The following PPP1CB variants were observed in gnomAD, a reference collection of about 807,000 sequenced individuals.
PPP1CB encodes serine/threonine-protein phosphatase PP1-beta catalytic subunit.
Under a neutral mutation model 43.7 loss-of-function variants are expected in PPP1CB, and 2 were observed. The observed-to-expected ratio is 0.05, with a 90% CI of 0.02 to 0.14. The LOEUF is 0.14. Ranked by LOEUF, PPP1CB falls within the 10% of genes least tolerant of loss-of-function variation. PPP1CB has a pLI of 1.00. For missense variants in PPP1CB, 84 were observed against 398.0 expected (o/e 0.21, Z 6.71); for synonymous variants, 136 against 135.6 (o/e 1.00, Z -0.02).
intron 5 of PPP1CB, among the ~76,000 whole-genome samples, chr2:28,785,894 G>T (rs1434318868): frequency 6.6e-6 from 1 of 151,934 alleles, no homozygotes; most frequent in African/African-American, 2.4e-5. Context: ...TCTGTTTATA[G>T]TTCAGATGTA....
intron 3 of PPP1CB, among the ~76,000 whole-genome samples, chr2:28,780,159 G>C (rs1048484340): frequency 7.1e-6 from 1 of 140,930 alleles, no homozygotes; most frequent in African/African-American, 2.6e-5. Flanking sequence ...CACGATCTCA[G>C]CTCACTGCAA....
chr2:28,760,502 CTATACCA>C (rs1461564056), intron 1 of PPP1CB, among the ~76,000 whole-genome samples: 28 of 152,190 alleles, frequency 1.8e-4, no homozygotes, highest in Non-Finnish European at 4.0e-4. Context: ...GAGCAATAGA[CTATACCA>C]TCTAGGTTTG....
chr2:28,765,555 A>G (rs1666762048), intron 1 of PPP1CB, among the ~76,000 whole-genome samples: 1 of 152,216 alleles, frequency 6.6e-6, no homozygotes, highest in Non-Finnish European at 1.5e-5. Flanking sequence ...GAAAAAATGT[A>G]TCTGCTGCAA....
At chr2:28,782,928 T>C (rs1667185964) in intron 4 of PPP1CB, 1 of 152,238 alleles carries the variant, frequency 6.6e-6, no homozygotes, top group South Asian at 2.1e-4. Flanking sequence ...TGTTTTCCAG[T>C]AGACATTAAA....
intron 1 of PPP1CB, among the ~76,000 whole-genome samples, chr2:28,761,594 C>T (rs1666655610): frequency 6.6e-6 from 1 of 152,194 alleles, no homozygotes; most frequent in South Asian, 2.1e-4. Context: ...GGAACTTCCC[C>T]ATACTAATTT....
At chr2:28,791,850 T>C (rs1667393473) in intron 6 of PPP1CB, among the ~76,000 whole-genome samples, 1 of 152,224 alleles carries the variant, frequency 6.6e-6, no homozygotes, top group South Asian at 2.1e-4. Context: ...TCTTTTGTTT[T>C]CCAGAAACTG....
intron 3 of PPP1CB, among the ~76,000 whole-genome samples, chr2:28,779,730 G>C (rs1339207211): frequency 6.6e-6 from 1 of 152,032 alleles, no homozygotes; most frequent in African/African-American, 2.4e-5. Flanking sequence ...TTCCCTATTA[G>C]AATCTACTTT....
intron 1 of PPP1CB, among the ~76,000 whole-genome samples, chr2:28,756,963 A>G (rs1348334610): frequency 6.6e-6 from 1 of 152,210 alleles, no homozygotes; most frequent in Non-Finnish European, 1.5e-5. Context: ...AGAGTTGTGC[A>G]GCCATCACCA....
At chr2:28,780,219 G>T (rs1667130562) in intron 3 of PPP1CB, among the ~76,000 whole-genome samples, 1 of 151,206 alleles carries the variant, frequency 6.6e-6, no homozygotes, top group Non-Finnish European at 1.5e-5. Flanking sequence ...CTCCCGATTA[G>T]CTGGGATTAC....
intron 1 of PPP1CB, among the ~76,000 whole-genome samples, chr2:28,753,869 G>T (rs1666412406): frequency 6.6e-6 from 1 of 152,028 alleles, no homozygotes; most frequent in Admixed American, 6.5e-5. Flanking sequence ...GAGTAGCTGG[G>T]ATTACAGGCA....
chr2:28,752,777 C>T (rs1042711565), intron 1 of PPP1CB, among the ~76,000 whole-genome samples: 2 of 152,018 alleles, frequency 1.3e-5, no homozygotes, highest in African/African-American at 2.4e-5. Flanking sequence ...TGTTACTTGG[C>T]CTAAAAAAAT....
In PPP1CB at chr2:28,801,413, A is replaced by G. The variant is rs920168068; in HGVS notation, c.*2110A>G. On this transcript the variant is annotated 3_prime_UTR_variant, in exon 8 of 8. Coordinates refer to ENST00000395366, the MANE Select transcript of PPP1CB (RefSeq NM_002709.3). Reference sequence around the variant, plus strand: ...AAATTCATCCAGGTCAAGACTAAGTATGTTGGTTAATAGGAATCCTTTTTT... The same window carrying G: ...AAATTCATCCAGGTCAAGACTAAGTGTGTTGGTTAATAGGAATCCTTTTTT... The G allele has an allele frequency of 6.6e-6, 1 of 151,748 alleles. No homozygotes were observed. Among genetic ancestry groups the G allele is most frequent in the Non-Finnish European group, 1.5e-5 (1 of 67,908 alleles). The allele number at this position is 151,748 out of a possible 1,614,324, so 9.4% of individuals were successfully genotyped here. A position where few individuals can be genotyped will look rare whatever the true frequency, so the allele number is the denominator to read the frequency against.
rs112486818 is a variant in PPP1CB, at chr2:28,784,404, A to G, written c.592+426A>G. 5.7e-3 allele frequency among the ~76,000 whole-genome samples: 863 copies of G among 152,198 alleles called. 6 individuals carry two copies. Among genetic ancestry groups the G allele is most frequent in the Non-Finnish European group, 8.7e-3 (593 of 67,982 alleles). On this transcript the variant is annotated intron_variant, in intron 5 of 7. Transcript: ENST00000395366. ...GTCTAGTAGTTTTTTGTTATTTTCT[A>G]TGTCCTCTATTTGAAATTTTTAGAG...
At chr2:28,762,002 G>T (rs951123319) in intron 1 of PPP1CB, among the ~76,000 whole-genome samples, 1 of 152,112 alleles carries the variant, frequency 6.6e-6, no homozygotes, top group South Asian at 2.1e-4. Context: ...TTCTGTTCTC[G>T]GCCGGGCATG....
intron 1 of PPP1CB, among the ~76,000 whole-genome samples, chr2:28,758,637 G>A (rs1385966938): frequency 1.3e-5 from 2 of 152,210 alleles, no homozygotes; most frequent in South Asian, 2.1e-4. Context: ...GTCAGTCCTT[G>A]GTCTAGATGG....
intron 1 of PPP1CB, among the ~76,000 whole-genome samples, chr2:28,774,322 A>C (rs1558303506): frequency 1.3e-5 from 2 of 152,260 alleles, no homozygotes; most frequent in Admixed American, 1.3e-4. Flanking sequence ...ACTAATACAC[A>C]GTAGACTCTC....
intron 2 of PPP1CB, chr2:28,778,217 G>A (rs1667081028): frequency 3.5e-5 from 13 of 367,096 alleles, no homozygotes; most frequent in South Asian, 2.1e-4. Context: ...CATATTTGGT[G>A]TTAAAAAGTG....
intron 1 of PPP1CB, among the ~76,000 whole-genome samples, chr2:28,760,764 G>A (rs762116859): frequency 2.6e-5 from 4 of 152,146 alleles, no homozygotes; most frequent in South Asian, 4.1e-4. Flanking sequence ...TTGTAATCAC[G>A]TATTTTAAAA....
intron 1 of PPP1CB, among the ~76,000 whole-genome samples, chr2:28,772,339 G>C (rs1006740257): frequency 1.3e-5 from 2 of 152,022 alleles, no homozygotes; most frequent in Non-Finnish European, 2.9e-5. Flanking sequence ...CTTGGTCCTC[G>C]GGGAAATCAA....
Sources: gnomAD v4.1 joint callset for allele counts (sites outside exome capture counted in the v4.1 genomes callset) on GRCh38, gnomAD v4.1.1 for gene constraint, MANE v1.5 for transcripts, NCBI Gene and HGNC (gene_info 2026-07-23, HGNC 2026-07-21) for gene names.